MYH6: variants seen among roughly 807,000 people sequenced by gnomAD.
The protein encoded by MYH6 is myosin heavy chain 6.
In MYH6, 126 loss-of-function variants were observed where a neutral mutation model predicts 223.2. The ratio of observed to expected loss-of-function variants is 0.56; its 90% CI spans 0.49 to 0.65. The LOEUF (loss-of-function observed/expected upper bound fraction) is 0.65. Ranked by LOEUF, MYH6 falls within the 30% of genes least tolerant of loss-of-function variation. The pLI, the probability that MYH6 is intolerant of heterozygous loss-of-function variation, is 0.00. For missense variants in MYH6, 2,040 were observed against 2,536.4 expected (o/e 0.80, Z 4.20); for synonymous variants, 978 against 1,010.2 (o/e 0.97, Z 0.61).
chr14:23,401,358 C>T (rs2138613319), intron 12 of MYH6, among the ~76,000 whole-genome samples: 1 of 152,330 alleles, frequency 6.6e-6, no homozygotes, highest in African/African-American at 2.4e-5. Context: ...GGGGCCAAGA[C>T]TTTAGGAAGC....
chr14:23,403,391 G>A lies in MYH6; in HGVS notation c.855C>T (p.His285=), dbSNP rs895857373. 3 of 1,614,158 alleles carry A rather than the reference G, an allele frequency of 1.9e-6. No individual in the cohort carries two copies. Among genetic ancestry groups the A allele is most frequent in the Middle Eastern group, 1.6e-4 (1 of 6,062 alleles). ...TGTTGGACAGAATCTGGTAGAAGATGTGGTAGTTTCTCTCAGCTTTCAGCT... is the reference window on the plus strand; with the variant it reads ...TGTTGGACAGAATCTGGTAGAAGATATGGTAGTTTCTCTCAGCTTTCAGCT... The part of the protein sequence containing the change: ...IFQLKAERNY[H]IFYQILSNKK... Residue 285 remains histidine (H), a synonymous_variant, in exon 10 of 39, where the codon CAC becomes CAT. Coordinates refer to ENST00000405093, the MANE Select transcript of MYH6 (RefSeq NM_002471.4).
At position 23,397,153 on chromosome 14, in the gene MYH6, G is replaced by A. The variant is rs1473513088; in HGVS notation, c.2050+17C>T. 6.8e-6 allele frequency: 11 copies of A among 1,614,074 alleles called. No homozygotes were observed. The highest frequency in any genetic ancestry group is 1.3e-5 in the African/African-American group (1 of 74,922). Reference sequence around the variant, plus strand: ...TGCCAGCTGTCCTCCCCAGACTAAGGTCTTCTCCTGGCTCACCTGGAGCCT... The same window carrying A: ...TGCCAGCTGTCCTCCCCAGACTAAGATCTTCTCCTGGCTCACCTGGAGCCT... On this transcript the variant is annotated intron_variant, in intron 17 of 38. Coordinates refer to ENST00000405093, the MANE Select transcript of MYH6 (RefSeq NM_002471.4).
At position 23,398,960 on chromosome 14, in the gene MYH6, CAGCT is replaced by C; in HGVS notation, c.1655_1658del (p.Lys552SerfsTer28). 1 of 1,614,152 alleles carries C rather than the reference CAGCT, an allele frequency of 6.2e-7. No individual in the cohort carries two copies. The highest frequency in any genetic ancestry group is 8.5e-7 in the Non-Finnish European group (1 of 1,180,036). The stretch of plus-strand genomic sequence containing the variant: ...TGGACTTGCCCAGGTGGTTGTCGTA[CAGCT>C]TGGCCTTGAAGGTCATGTCAGTGGC... On this transcript the variant is annotated frameshift_variant, in exon 15 of 39. Transcript: ENST00000405093. LOFTEE classifies it high-confidence loss of function.
rs1215602952 is a variant in MYH6, at chr14:23,396,370, C to G, written c.2343G>C (p.Glu781Asp). The G allele has an allele frequency of 6.2e-7, 1 of 1,614,104 alleles. No homozygotes were observed. The highest frequency in any genetic ancestry group is 1.7e-5 in the Admixed American group (1 of 60,030). Residue 781 changes from glutamate to aspartate, a missense_variant, in exon 20 of 39, where the codon GAG becomes GAC. Glu to Asp is a conservative substitution (Grantham distance 45, BLOSUM62 2). Around this residue, in one of 4 missense-constraint regions of MYH6, gnomAD observed 649 missense variants for 877.3 expected, o/e 0.74. Coordinates refer to ENST00000405093, the MANE Select transcript of MYH6 (RefSeq NM_002471.4). The part of the protein sequence containing the change: ...LLGLLEEMRD[E>D]RLSRIITRMQ... ...TGCGCGTGATGATGCGGCTCAGCCT[C>G]TCATCCCGCATCTCCTCCAGCAGCC...
chr14:23,406,083 C>T (rs1309481949), intron 3 of MYH6, among the ~76,000 whole-genome samples: 2 of 152,120 alleles, frequency 1.3e-5, no homozygotes, highest in African/African-American at 4.8e-5. Context: ...TTGGGGCAGA[C>T]CTGGAGATTG....
intron 9 of MYH6, 83 bp downstream of exon 9, chr14:23,403,632 C>T: frequency 8.1e-6 from 11 of 1,353,076 alleles, no homozygotes; most frequent in Non-Finnish European, 1.2e-5. Flanking sequence ...CAGGAGATGG[C>T]AGGAATGATG....
At position 23,388,317 on chromosome 14, in the gene MYH6, C is replaced by T. The variant is rs1251307668; in HGVS notation, c.4197G>A (p.Leu1399=). The T allele has an allele frequency of 1.9e-6, 3 of 1,613,192 alleles. No individual in the cohort carries two copies. Among genetic ancestry groups the T allele is most frequent in the African/African-American group, 2.7e-5 (2 of 74,926 alleles). The change falls in exon 30 of 39, where the codon CTG becomes CTA. Residue 1399 remains leucine (L), a synonymous_variant. Coordinates refer to ENST00000405093, the MANE Select transcript of MYH6 (RefSeq NM_002471.4). ...EEAKKKLAQR[L]QDAEEAVEAV... ...CCTCCACGGCCTCCTCGGCATCCTG[C>T]AGCCGCTGGGCCAGCTTCTTTCTGC... is the stretch of plus-strand genomic sequence containing the variant.
In MYH6 at chr14:23,387,514, G is replaced by T. The variant is rs775707796; in HGVS notation, c.4650+15C>A. 1 of 1,612,522 alleles carries T rather than the reference G, an allele frequency of 6.2e-7. No homozygotes were observed. Among genetic ancestry groups the T allele is most frequent in the Middle Eastern group, 1.9e-4 (1 of 5,308 alleles). ...GCAGAACAGGGATGGGGTGCAGGGA[G>T]TTCTCGGCCCTCACCTCTGCCTCCT... On this transcript the variant is annotated intron_variant, in intron 32 of 38. Coordinates refer to ENST00000405093, the MANE Select transcript of MYH6 (RefSeq NM_002471.4).
rs775834885 is a variant in MYH6 at position 23,397,064 on chromosome 14, G to A, written c.2067C>T (p.Pro689=). The change falls in exon 18 of 39, where the codon CCC becomes CCT. Residue 689 remains proline (P), a synonymous_variant. Transcript: ENST00000405093. ...TGCAGCGCAGCTGGTGCATGACCAG[G>A]GGGTTGTCCATCACCCCTGTGTCAG... ...ERKAPGVMDN[P]LVMHQLRCNG... 3.1e-6 allele frequency: 5 copies of A among 1,614,106 alleles called. No individual in the cohort carries two copies. Among genetic ancestry groups the A allele is most frequent in the Non-Finnish European group, 4.2e-6 (5 of 1,180,050 alleles).
In MYH6 at chr14:23,407,345, T is replaced by C; in HGVS notation, c.-13-109A>G. On this transcript the variant is annotated intron_variant, in intron 2 of 38. Coordinates refer to ENST00000405093, the MANE Select transcript of MYH6 (RefSeq NM_002471.4). The surrounding 1 kb of genome is among the most constrained non-coding windows in gnomAD (Gnocchi z 5.6). ...CTACCCCCGCTCCTCTCCTCCACCC[T>C]GGGAGAGGCACCTGCTGTTGCACCC... 1 of 1,310,416 alleles carries C rather than the reference T, an allele frequency of 7.6e-7. No homozygotes were observed. The highest frequency in any genetic ancestry group is 1.9e-5 in the Admixed American group (1 of 53,984). The allele number at this position is 1,310,416 out of a possible 1,614,324, so 81.2% of individuals were successfully genotyped here. A position where few individuals can be genotyped will look rare whatever the true frequency, so the allele number is the denominator to read the frequency against.
chr14:23,396,992 G>A lies in MYH6; in HGVS notation c.2139C>T (p.Asn713=), dbSNP rs1225283382. 1 of 1,613,494 alleles carries A rather than the reference G, an allele frequency of 6.2e-7. No individual in the cohort carries two copies. Among genetic ancestry groups the A allele is most frequent in the Non-Finnish European group, 8.5e-7 (1 of 1,180,050 alleles). Residue 713 remains asparagine, a synonymous_variant, in exon 18 of 39, where the codon AAC becomes AAT. Transcript: ENST00000405093. ...GCCGGAAGTCCCCGTAGAGGATGCGGTTGGGGAAGCCCTTCCTGCAGATGC... is the reference window on the plus strand; with the variant it reads ...GCCGGAAGTCCCCGTAGAGGATGCGATTGGGGAAGCCCTTCCTGCAGATGC... ...GIRICRKGFP[N]RILYGDFRQR... is the part of the protein sequence containing the mutation.
intron 19 of MYH6, 49 bp downstream of exon 19, chr14:23,396,645 T>C: frequency 6.2e-7 from 1 of 1,613,958 alleles, no homozygotes; most frequent in Non-Finnish European, 8.5e-7. Flanking sequence ...TCTGCTCCAC[T>C]CAACATGGCC....
intron 15 of MYH6, among the ~76,000 whole-genome samples, chr14:23,397,945 T>TCTTCTTCTTCTTCTC (rs1891460798): frequency 1.7e-5 from 1 of 59,732 alleles, no homozygotes; most frequent in Non-Finnish European, 3.3e-5. Flanking sequence ...TTCTTCTTCT[T>TCTTCTTCTTCTTCTC]CTTCTTCTTC....
chr14:23,383,226 G>A lies in MYH6; in HGVS notation c.5660C>T (p.Ala1887Val), dbSNP rs767096302. ...VKAYKRQAEE[A>V]EEQANTNLSK... The stretch of plus-strand genomic sequence containing the variant: ...AAGGGAAGAAAGCTCTGAACTCACC[G>A]CCTCCTCGGCCTGGCGCTTGTAGGC... The change falls in exon 37 of 39, where the codon GCG (alanine) becomes GTG (valine). Residue 1887 changes from alanine (A) to valine (V), a missense_variant and splice_region_variant. By Grantham distance (64) the Ala-to-Val change is moderately conservative. Coordinates refer to ENST00000405093, the MANE Select transcript of MYH6 (RefSeq NM_002471.4). 3.0e-5 allele frequency: 49 copies of A among 1,609,202 alleles called. No homozygotes were observed. The highest frequency in any genetic ancestry group is 6.7e-5 in the East Asian group (3 of 44,724).
intron 23 of MYH6, 24 bp from the exon 24 acceptor site, chr14:23,393,081 A>G (rs372462664): frequency 1.9e-6 from 3 of 1,613,956 alleles, no homozygotes; most frequent in Non-Finnish European, 2.5e-6. Context: ...GAAAATAAGC[A>G]AAGTGTGGAA....
At chr14:23,385,780 C>A (rs951619368) in intron 34 of MYH6, 148 bp downstream of exon 34, 2 of 1,148,656 alleles carry the variant, frequency 1.7e-6, no homozygotes, top group East Asian at 2.5e-5. Context: ...TATAATGGTT[C>A]TGCAGCCACC....
Position 23,382,035 on chromosome 14 carries a change from C to G in MYH6, c.*5G>C, listed in dbSNP as rs139102144. 6.2e-6 allele frequency: 10 copies of G among 1,614,066 alleles called. No homozygotes were observed. Among genetic ancestry groups the G allele is most frequent in the Non-Finnish European group, 8.5e-6 (10 of 1,180,042 alleles). On this transcript the variant is annotated 3_prime_UTR_variant, in exon 39 of 39. Coordinates refer to ENST00000405093, the MANE Select transcript of MYH6 (RefSeq NM_002471.4). ...GTTGGCAAGAGTGAGGTTCCCGAGG[C>G]AGTGTCACTCCTCATCGTGCATTTT...
rs1566515952 is a variant in MYH6 at position 23,404,357 on chromosome 14, T to C, written c.674A>G (p.Asn225Ser). Residue 225 changes from asparagine to serine, a missense_variant, in exon 8 of 39, where the codon AAC becomes AGC. Physicochemically the swap from Asn to Ser is conservative, Grantham distance 46 (BLOSUM62 1). Transcript: ENST00000405093. ...ATTGCCGAAGGCCTCCAGAGCGGGGTTGGCCTGGATGATCTGGTCCTCCAG... is the reference window on the plus strand; with the variant it reads ...ATTGCCGAAGGCCTCCAGAGCGGGGCTGGCCTGGATGATCTGGTCCTCCAG... ...GTLEDQIIQA[N>S]PALEAFGNAK... 1 of 1,614,142 alleles carries C rather than the reference T, an allele frequency of 6.2e-7. No homozygotes were observed. Among genetic ancestry groups the C allele is most frequent in the Non-Finnish European group, 8.5e-7 (1 of 1,180,004 alleles).
At chr14:23,392,867 G>GCCAGACA (rs1028640459) in intron 24 of MYH6, 45 bp downstream of exon 24, 1 of 1,610,102 alleles carries the variant, frequency 6.2e-7, no homozygotes, top group Non-Finnish European at 8.5e-7. Context: ...TATCTACCAG[G>GCCAGACA]CCAGACACCT....
Sources: allele counts gnomAD v4.1 joint callset (sites outside exome capture counted in the v4.1 genomes callset), GRCh38; gene constraint gnomAD v4.1.1; regional missense constraint gnomAD v4.1.1; non-coding constraint Gnocchi (gnomAD v3.1); transcripts MANE v1.5; gene names NCBI Gene and HGNC (gene_info 2026-07-23, HGNC 2026-07-21).